Variants in DIP2C observed in about 807,000 individuals in gnomAD.
The protein encoded by DIP2C is DIP2 acetate--CoA ligase C (putative).
In DIP2C, 33 loss-of-function variants were observed where a neutral mutation model predicts 192.4. The observed-to-expected ratio is 0.17, with a 90% CI of 0.13 to 0.23. The LOEUF is 0.23. Ranked by LOEUF, DIP2C falls within the 10% of genes least tolerant of loss-of-function variation. DIP2C has a pLI of 1.00. For missense variants in DIP2C, 1,537 were observed against 2,110.1 expected (o/e 0.73, Z 5.32); for synonymous variants, 979 against 864.1 (o/e 1.13, Z -2.33).
At chr10:375,124 G>A (rs1303292013) in intron 17 of DIP2C, among the ~76,000 whole-genome samples, 1 of 152,254 alleles carries the variant, frequency 6.6e-6, no homozygotes, top group Non-Finnish European at 1.5e-5. Flanking sequence ...GGACAACAGA[G>A]TCTGGATGTT....
chr10:548,442 TGGAGGGAGGGAGGGAG>T (rs59188084), intron 1 of DIP2C, among the ~76,000 whole-genome samples: 3 of 58,068 alleles, frequency 5.2e-5, no homozygotes, highest in Non-Finnish European at 1.1e-4. Flanking sequence ...GCCACCGGGA[TGGAGGGAGGGAGGGAG>T]GGAGGGAGGC....
At chr10:451,090 G>T (rs1238515112) in intron 3 of DIP2C, among the ~76,000 whole-genome samples, 1 of 152,176 alleles carries the variant, frequency 6.6e-6, no homozygotes, top group Non-Finnish European at 1.5e-5. Flanking sequence ...CCCAGCCCCT[G>T]CCTGTGGGCG....
At chr10:633,372 G>A (rs549787147) in intron 1 of DIP2C, among the ~76,000 whole-genome samples, 1 of 152,180 alleles carries the variant, frequency 6.6e-6, no homozygotes, top group Non-Finnish European at 1.5e-5. Flanking sequence ...TAGAGCAGAC[G>A]GGGGGAGTCC....
rs756099667 is a variant in DIP2C, at chr10:366,336, C to A, written c.2207G>T (p.Cys736Phe). 4 of 1,614,182 alleles carry A rather than the reference C, an allele frequency of 2.5e-6. 1 individual carries two copies. The highest frequency in any genetic ancestry group is 3.4e-6 in the Non-Finnish European group (4 of 1,180,030). Reference protein sequence around the residue: ...RTDEIGELCVCAVATGTSYYG... With the variant: ...RTDEIGELCVFAVATGTSYYG... ...GTAGGACGTGCCCGTCGCAACTGCA[C>A]ACACACACAGCTCCCCGATCTCATC... The change falls in exon 19 of 37, where the codon TGT becomes TTT. Residue 736 changes from cysteine to phenylalanine, a missense_variant. Around this residue, in one of 4 missense-constraint regions of DIP2C, gnomAD observed 677 missense variants for 989.9 expected, o/e 0.68. Coordinates refer to ENST00000280886, the MANE Select transcript of DIP2C (RefSeq NM_014974.3).
chr10:439,421 AAAC>A lies in DIP2C; in HGVS notation c.394+1447_394+1449del, dbSNP rs199755788. ...CGAAGATCACGCATGTGTAAATGAAAAACAACAACAACATAGGAACACCCTGTC... is the reference window on the plus strand; with the variant it reads ...CGAAGATCACGCATGTGTAAATGAAAAACAACAACATAGGAACACCCTGTC... On this transcript the variant is annotated intron_variant, in intron 4 of 36. Transcript: ENST00000280886. Among the ~76,000 whole-genome samples the A allele has an allele frequency of 3.9e-3, 532 of 135,756 alleles. 4 individuals carry two copies. Among genetic ancestry groups the A allele is most frequent in the African/African-American group, 0.013 (355 of 27,914 alleles). The allele number at this position is 135,756 out of a possible 152,430, so 89.1% of individuals were successfully genotyped here. A position where few individuals can be genotyped will look rare whatever the true frequency, so the allele number is the denominator to read the frequency against.
chr10:484,235 C>A (rs191351023), intron 2 of DIP2C, among the ~76,000 whole-genome samples: 1 of 152,356 alleles, frequency 6.6e-6, no homozygotes, highest in Admixed American at 6.5e-5. Context: ...TCATGAAATT[C>A]CTGTATTCAA....
intron 1 of DIP2C, among the ~76,000 whole-genome samples, chr10:525,863 G>A (rs1471125057): frequency 1.2e-4 from 18 of 152,180 alleles, no homozygotes; most frequent in Admixed American, 1.0e-3. Context: ...CTGGAGGGTA[G>A]TCAACCCAGG....
At chr10:304,982 T>A (rs1197894680) in intron 32 of DIP2C, among the ~76,000 whole-genome samples, 1 of 151,960 alleles carries the variant, frequency 6.6e-6, no homozygotes, top group Non-Finnish European at 1.5e-5. Flanking sequence ...TGTACACATT[T>A]GAAAGTCACA....
chr10:298,414 C>A (rs1213121693), intron 32 of DIP2C, among the ~76,000 whole-genome samples: 1 of 152,234 alleles, frequency 6.6e-6, no homozygotes, highest in Non-Finnish European at 1.5e-5. Flanking sequence ...ATGGTGACCT[C>A]GCACTTAGCT....
rs1431923719 is a variant in DIP2C, at chr10:474,849, A to AT, written c.158-2301dup. Reference sequence around the variant, plus strand: ...ATGCTATAATCCTTATGTAATACCCATTCCTTTCTCTTCTCCTTCAATAAT... The same window carrying AT: ...ATGCTATAATCCTTATGTAATACCCATTTCCTTTCTCTTCTCCTTCAATAAT... On this transcript the variant is annotated intron_variant, in intron 2 of 36. Coordinates refer to ENST00000280886, the MANE Select transcript of DIP2C (RefSeq NM_014974.3). 2.6e-5 allele frequency among the ~76,000 whole-genome samples: 4 copies of AT among 151,954 alleles called. No individual in the cohort carries two copies. In the East Asian group the frequency reaches 7.7e-4, roughly 29 times the overall value.
At chr10:572,501 CAAA>C (rs943184261) in intron 1 of DIP2C, among the ~76,000 whole-genome samples, 8 of 152,132 alleles carry the variant, frequency 5.3e-5, no homozygotes, top group Non-Finnish European at 1.0e-4. Flanking sequence ...CCTCCAAAAA[CAAA>C]AGAGTACTGC....
At position 308,353 on chromosome 10, in the gene DIP2C, T is replaced by A. The variant is rs113301292; in HGVS notation, c.3986+1678A>T. On this transcript the variant is annotated intron_variant, in intron 32 of 36. Transcript: ENST00000280886. ...ACCGCCAGCTCCTGTTCCTATGTAC[T>A]CTCACTTCCATTTCAGATGCTTTCC... Among the ~76,000 whole-genome samples the A allele has an allele frequency of 1.3e-3, 200 of 151,198 alleles. 1 individual carries two copies. The South Asian group carries it at 0.015, about 11-fold the overall frequency.
chr10:484,670 C>A (rs2133544074), intron 2 of DIP2C: 1 of 1,406,426 alleles, frequency 7.1e-7, no homozygotes, highest in East Asian at 2.5e-5. Context: ...ATGGGACCCT[C>A]AGGCCCCCAA....
At chr10:534,870 G>T in intron 1 of DIP2C, among the ~76,000 whole-genome samples, 1 of 151,658 alleles carries the variant, frequency 6.6e-6, no homozygotes, top group African/African-American at 2.4e-5. Flanking sequence ...TAGAGACGGG[G>T]TTTCACCTTG....
At chr10:606,439 G>T (rs61832974) in intron 1 of DIP2C, among the ~76,000 whole-genome samples, 5 of 151,740 alleles carry the variant, frequency 3.3e-5, no homozygotes, top group African/African-American at 9.7e-5. Flanking sequence ...CATTGGTTGG[G>T]AAGGGGATCT....
intron 1 of DIP2C, among the ~76,000 whole-genome samples, chr10:686,712 G>C (rs1831352077): frequency 6.6e-6 from 1 of 152,254 alleles, no homozygotes; most frequent in South Asian, 2.1e-4. Flanking sequence ...CTGTGAGGGG[G>C]CACAGGGCAC....
chr10:613,978 T>C (rs1347062077), intron 1 of DIP2C, among the ~76,000 whole-genome samples: 1 of 152,164 alleles, frequency 6.6e-6, no homozygotes, highest in Non-Finnish European at 1.5e-5. Context: ...GATACCCACA[T>C]ACAGGACCAG....
intron 33 of DIP2C, among the ~76,000 whole-genome samples, chr10:287,218 G>C (rs1253617782): frequency 6.6e-6 from 1 of 151,928 alleles, no homozygotes; most frequent in Non-Finnish European, 1.5e-5. Flanking sequence ...CAAAGTGCTG[G>C]GATTACAGGC....
intron 1 of DIP2C, among the ~76,000 whole-genome samples, chr10:685,148 A>C (rs1483261921): frequency 1.6e-5 from 1 of 63,120 alleles, no homozygotes; most frequent in African/African-American, 7.5e-5. Flanking sequence ...AAAAAAAAAA[A>C]AAAAAAAAAA....
Sources: allele counts gnomAD v4.1 joint callset (sites outside exome capture counted in the v4.1 genomes callset), GRCh38; gene constraint gnomAD v4.1.1; regional missense constraint gnomAD v4.1.1; transcripts MANE v1.5; gene names NCBI Gene and HGNC (gene_info 2026-07-23, HGNC 2026-07-21).